Variants in ZNF578 observed in about 807,000 individuals in gnomAD.
The protein encoded by ZNF578 is zinc finger protein 578, also known as Putative chemokine-related protein B42.
In ZNF578, 8 loss-of-function variants were observed where a neutral mutation model predicts 8.3. The observed-to-expected ratio is 0.96, with a 90% CI of 0.56 to 1.74. The LOEUF (loss-of-function observed/expected upper bound fraction) is 1.74, where lower values mean the gene tolerates loss of function less well. ZNF578 is among the 40% of genes most tolerant of loss of function. The pLI is 0.00. For synonymous variants in ZNF578, 206 were observed against 232.2 expected (o/e 0.89, Z 1.03); for missense variants, 726 against 707.5 (o/e 1.03, Z -0.30).
chr19:52,478,687 C>T (rs2059315607), intron 2 of ZNF578, among the ~76,000 whole-genome samples: 1 of 151,986 alleles, frequency 6.6e-6, no homozygotes, highest in African/African-American at 2.4e-5. Flanking sequence ...TTAAGGCCTG[C>T]TTGATGAGCC....
intron 2 of ZNF578, among the ~76,000 whole-genome samples, chr19:52,469,787 T>C (rs1439242303): frequency 6.6e-6 from 1 of 152,200 alleles, no homozygotes; most frequent in South Asian, 2.1e-4. Flanking sequence ...AGCTCAGAGA[T>C]GATACCTCCC....
At chr19:52,491,729 A>T (rs2059365655) in intron 3 of ZNF578, among the ~76,000 whole-genome samples, 2 of 152,100 alleles carry the variant, frequency 1.3e-5, no homozygotes. Flanking sequence ...AAAATAAAAG[A>T]AAAAAGTAAA....
chr19:52,509,891 T>C (rs527242837), intron 5 of ZNF578, among the ~76,000 whole-genome samples: 2 of 152,152 alleles, frequency 1.3e-5, no homozygotes, highest in East Asian at 3.9e-4. Flanking sequence ...TCCTTTTTTT[T>C]TTCTGTTTGA....
At chr19:52,456,095 ATCCT>A (rs2059238891) in intron 1 of ZNF578, 1 of 152,094 alleles carries the variant, frequency 6.6e-6, no homozygotes, top group African/African-American at 2.4e-5. Flanking sequence ...GGTGACAAAC[ATCCT>A]TCCTTTTCTA....
chr19:52,502,813 A>G (rs2059412355), intron 4 of ZNF578, among the ~76,000 whole-genome samples: 1 of 151,748 alleles, frequency 6.6e-6, no homozygotes, highest in South Asian at 2.1e-4. Context: ...TTCAGAGTTT[A>G]CAGCAGCCTC....
At chr19:52,476,425 GT>G (rs1186035200) in intron 2 of ZNF578, among the ~76,000 whole-genome samples, 1 of 152,186 alleles carries the variant, frequency 6.6e-6, no homozygotes, top group East Asian at 1.9e-4. Flanking sequence ...TGGTAAGGCA[GT>G]TGGCAGAGGA....
intron 2 of ZNF578, among the ~76,000 whole-genome samples, chr19:52,471,525 G>A (rs2059291752): frequency 6.6e-6 from 1 of 152,050 alleles, no homozygotes; most frequent in South Asian, 2.1e-4. Flanking sequence ...AATAAAGCCT[G>A]AGTGCCCCCT....
intron 2 of ZNF578, among the ~76,000 whole-genome samples, chr19:52,468,980 C>T (rs537213337): frequency 1.5e-4 from 23 of 152,220 alleles, no homozygotes; most frequent in African/African-American, 5.3e-4. Context: ...CAGACTTGGA[C>T]TGAGCCACTA....
intron 2 of ZNF578, among the ~76,000 whole-genome samples, chr19:52,475,626 G>A (rs938915545): frequency 6.6e-6 from 1 of 152,014 alleles, no homozygotes; most frequent in African/African-American, 2.4e-5. Flanking sequence ...CAAAGTGCTG[G>A]GATTATAGGC....
At chr19:52,488,848 A>T (rs2059355190) in intron 2 of ZNF578, among the ~76,000 whole-genome samples, 1 of 152,098 alleles carries the variant, frequency 6.6e-6, no homozygotes. Flanking sequence ...CATGCCTGTA[A>T]TCCCAGCACT....
intron 4 of ZNF578, among the ~76,000 whole-genome samples, chr19:52,503,560 G>A (rs999743649): frequency 1.3e-5 from 2 of 152,104 alleles, no homozygotes; most frequent in Non-Finnish European, 2.9e-5. Context: ...TTCCCAGGCT[G>A]GTCTTGAATT....
At chr19:52,457,821 G>A (rs1356701606) in intron 2 of ZNF578, 1 of 153,580 alleles carries the variant, frequency 6.5e-6, no homozygotes, top group Non-Finnish European at 1.5e-5. Context: ...GGAGATGTCA[G>A]TCTTCTCTGA....
intron 2 of ZNF578, among the ~76,000 whole-genome samples, chr19:52,479,573 A>T (rs938103720): frequency 9.9e-5 from 15 of 151,666 alleles, no homozygotes; most frequent in Non-Finnish European, 1.8e-4. Context: ...GGAAAAAAGA[A>T]ACTTCTCGTT....
At chr19:52,479,983 C>T (rs2059320399) in intron 2 of ZNF578, among the ~76,000 whole-genome samples, 1 of 152,162 alleles carries the variant, frequency 6.6e-6, no homozygotes, top group Admixed American at 6.5e-5. Flanking sequence ...AATCTTGGCT[C>T]ACTGCAAGCT....
intron 2 of ZNF578, among the ~76,000 whole-genome samples, chr19:52,485,051 G>A (rs1314412009): frequency 1.3e-5 from 2 of 151,736 alleles, no homozygotes; most frequent in Admixed American, 6.6e-5. Context: ...AAAGAGAGTC[G>A]GACTTTGAAT....
chr19:52,501,576 C>T (rs1332055280), intron 3 of ZNF578, among the ~76,000 whole-genome samples: 1 of 152,104 alleles, frequency 6.6e-6, no homozygotes, highest in East Asian at 1.9e-4. Flanking sequence ...GAGATCAGTC[C>T]AGCCCAGCTC....
At chr19:52,484,348 CAA>C (rs2059337426) in intron 2 of ZNF578, among the ~76,000 whole-genome samples, 1 of 152,206 alleles carries the variant, frequency 6.6e-6, no homozygotes, top group Non-Finnish European at 1.5e-5. Context: ...ATCTCAACTG[CAA>C]AGAGGCCTTC....
At chr19:52,463,168 G>A (rs996538869) in intron 2 of ZNF578, among the ~76,000 whole-genome samples, 2 of 152,166 alleles carry the variant, frequency 1.3e-5, no homozygotes, top group African/African-American at 2.4e-5. Context: ...TACTTGTACT[G>A]TGTTTAATGC....
chr19:52,471,756 A>C lies in ZNF578; in HGVS notation c.-122+14798A>C, dbSNP rs149735414. ...ATGGCATCATCATTATCAATATCCA[A>C]ACCAAACCTCAGGTAGACTTTAGAC... On this transcript the variant is annotated intron_variant, in intron 2 of 5. Transcript: ENST00000421239. Among the ~76,000 whole-genome samples the C allele has an allele frequency of 3.2e-3, 480 of 152,262 alleles. 6 individuals are homozygous for C. The highest frequency in any genetic ancestry group is 3.4e-3 in the Non-Finnish European group (229 of 68,014).
Sources: gnomAD v4.1 joint callset for allele counts (sites outside exome capture counted in the v4.1 genomes callset) on GRCh38, gnomAD v4.1.1 for gene constraint, MANE v1.5 for transcripts, NCBI Gene and HGNC (gene_info 2026-07-23, HGNC 2026-07-21) for gene names.